Variants in WDPCP observed in about 807,000 individuals in gnomAD.
The protein encoded by WDPCP is WD repeat-containing and planar cell polarity effector protein fritz homolog.
In WDPCP, 71 loss-of-function variants were observed where a neutral mutation model predicts 93.1. The observed-to-expected ratio is 0.76, with a 90% CI of 0.63 to 0.93. The LOEUF (loss-of-function observed/expected upper bound fraction) is 0.93. WDPCP is among the 40% of genes least tolerant of loss of function. The pLI is 0.00. For synonymous variants in WDPCP, 315 were observed against 315.0 expected (o/e 1.00, Z 0.00); for missense variants, 844 against 887.4 (o/e 0.95, Z 0.62).
At chr2:63,364,508 C>G (rs1405140642) in intron 12 of WDPCP, among the ~76,000 whole-genome samples, 2 of 152,110 alleles carry the variant, frequency 1.3e-5, no homozygotes, top group African/African-American at 2.4e-5. Context: ...TCTTGATTTT[C>G]ACGGTTGTTT....
intron 15 of WDPCP, among the ~76,000 whole-genome samples, chr2:63,171,666 A>T (rs1409046997): frequency 6.6e-6 from 1 of 152,238 alleles, no homozygotes; most frequent in African/African-American, 2.4e-5. Flanking sequence ...TTAGAATAAG[A>T]CCCAGCAATT....
chr2:63,542,423 G>C (rs1327897104), intron 1 of WDPCP, among the ~76,000 whole-genome samples: 2 of 152,206 alleles, frequency 1.3e-5, no homozygotes, highest in Non-Finnish European at 2.9e-5. Context: ...TCTGAGGTCA[G>C]AGGTTACTCC....
chr2:63,774,719 A>G (rs1670278880), intron 2 of WDPCP, among the ~76,000 whole-genome samples: 2 of 152,084 alleles, frequency 1.3e-5, no homozygotes, highest in South Asian at 4.1e-4. Context: ...ATAATCTTAG[A>G]GTCATTTTCA....
intron 1 of WDPCP, among the ~76,000 whole-genome samples, chr2:63,543,471 A>C (rs1401030226): frequency 6.6e-6 from 1 of 152,124 alleles, no homozygotes; most frequent in African/African-American, 2.4e-5. Context: ...TTTTCTTTTT[A>C]ATTCCCAAAA....
At chr2:63,707,604 T>C (rs533355542) in intron 2 of WDPCP, among the ~76,000 whole-genome samples, 1 of 152,380 alleles carries the variant, frequency 6.6e-6, no homozygotes, top group East Asian at 1.9e-4. Context: ...AGTTTGATCT[T>C]CTGAAGCCTT....
intron 3 of WDPCP, among the ~76,000 whole-genome samples, chr2:63,618,229 A>G (rs1709693785): frequency 6.6e-6 from 1 of 152,244 alleles, no homozygotes; most frequent in Non-Finnish European, 1.5e-5. Context: ...GCAAGTGCTT[A>G]GAATGAAAAC....
chr2:63,315,006 T>G (rs528645745), intron 12 of WDPCP, among the ~76,000 whole-genome samples: 1 of 152,222 alleles, frequency 6.6e-6, no homozygotes, highest in South Asian at 2.1e-4. Context: ...AAACTGACAT[T>G]GGCATCTGGC....
In WDPCP at chr2:63,495,317, G is replaced by A. The variant is rs568331741; in HGVS notation, c.76-2377C>T. Among the ~76,000 whole-genome samples, 25 of 152,300 alleles carry A rather than the reference G, an allele frequency of 1.6e-4. No homozygotes were observed. In the South Asian group the frequency reaches 2.5e-3, roughly 15 times the overall value. ...CTTTCAGTATTATCACTTTGGAAGT[G>A]ACTCTAGTAAGCCTACTATTACTCA... On this transcript the variant is annotated intron_variant, in intron 1 of 17. Transcript: ENST00000272321.
chr2:63,147,549 C>T (rs1370952643), intron 17 of WDPCP, among the ~76,000 whole-genome samples: 2 of 152,148 alleles, frequency 1.3e-5, no homozygotes, highest in Admixed American at 6.5e-5. Context: ...ATTATCTAGT[C>T]AAAGACTTCT....
intron 10 of WDPCP, among the ~76,000 whole-genome samples, chr2:63,399,578 TGAGA>T (rs3835750): frequency 2.8e-5 from 3 of 108,574 alleles, no homozygotes; most frequent in African/African-American, 7.3e-5. Flanking sequence ...AAGGAGAGAT[TGAGA>T]GAGAGAGAGA....
intron 3 of WDPCP, among the ~76,000 whole-genome samples, chr2:63,635,012 C>T (rs1272841152): frequency 6.6e-6 from 1 of 151,890 alleles, no homozygotes; most frequent in African/African-American, 2.4e-5. Flanking sequence ...ACAGAGAAGA[C>T]TTGAATAAAG....
In WDPCP at chr2:63,174,780, G is replaced by A. The variant is rs746538391; in HGVS notation, c.1968C>T (p.Gly656=). 1.2e-6 allele frequency: 2 copies of A among 1,613,964 alleles called. No homozygotes were observed. Among genetic ancestry groups the A allele is most frequent in the Middle Eastern group, 1.7e-4 (1 of 6,056 alleles). ...RGDMLNEAFI[G]LSLAPQGEDS... ...CTTCTCCTTGAGGTGCTAAAGACAG[G>A]CCAATAAATGCTTCATTTAGCATAT... The change falls in exon 15 of 18, where the codon GGC becomes GGT. Residue 656 remains glycine, a synonymous_variant. Coordinates refer to ENST00000272321, the MANE Select transcript of WDPCP (RefSeq NM_015910.7).
chr2:63,826,638 T>G (rs566019946), intron 1 of WDPCP, among the ~76,000 whole-genome samples: 9 of 152,316 alleles, frequency 5.9e-5, no homozygotes, highest in Non-Finnish European at 1.0e-4. Flanking sequence ...ATACTTACCT[T>G]ACTCTTGCAT....
intron 1 of WDPCP, among the ~76,000 whole-genome samples, chr2:63,493,745 ATT>A (rs928102096): frequency 2.6e-5 from 4 of 152,064 alleles, no homozygotes; most frequent in Admixed American, 6.6e-5. Flanking sequence ...AATTTATATA[ATT>A]TTCAAATGTT....
intron 2 of WDPCP, among the ~76,000 whole-genome samples, chr2:63,730,187 A>G (rs915843837): frequency 2.0e-5 from 3 of 152,114 alleles, no homozygotes; most frequent in Admixed American, 2.0e-4. Flanking sequence ...CTTAGGAAGT[A>G]GGTACTATTG....
chr2:63,230,515 G>A (rs571407213), intron 14 of WDPCP, among the ~76,000 whole-genome samples: 1 of 152,258 alleles, frequency 6.6e-6, no homozygotes, highest in African/African-American at 2.4e-5. Flanking sequence ...TCGCCACACT[G>A]TCTTCCACAA....
At chr2:63,785,595 C>T (rs1437255915) in intron 2 of WDPCP, among the ~76,000 whole-genome samples, 1 of 152,064 alleles carries the variant, frequency 6.6e-6, no homozygotes, top group Non-Finnish European at 1.5e-5. Context: ...ATGATAAACC[C>T]TCTCTGTTCT....
intron 6 of WDPCP, among the ~76,000 whole-genome samples, chr2:63,465,759 A>C (rs191786214): frequency 6.6e-6 from 1 of 152,290 alleles, no homozygotes; most frequent in Admixed American, 6.5e-5. Flanking sequence ...CCTCACCCTA[A>C]TTCCTGTTCT....
intron 14 of WDPCP, chr2:63,229,446 C>G (rs1359707697): frequency 6.6e-6 from 1 of 151,688 alleles, no homozygotes; most frequent in East Asian, 1.9e-4. Flanking sequence ...AATTAGATCC[C>G]ATTTGTCAAT....
Sources: gnomAD v4.1 joint callset for allele counts (sites outside exome capture counted in the v4.1 genomes callset) on GRCh38, gnomAD v4.1.1 for gene constraint, MANE v1.5 for transcripts, NCBI Gene and HGNC (gene_info 2026-07-23, HGNC 2026-07-21) for gene names.